Variants in MN1 observed in about 807,000 individuals in gnomAD.
MN1 encodes the protein transcriptional activator MN1.
MN1 carries 19 observed loss-of-function variants against 86.9 expected under a neutral mutation model. The observed-to-expected ratio is 0.22, with a 90% CI of 0.15 to 0.32. The LOEUF (loss-of-function observed/expected upper bound fraction) is 0.32, where lower values mean the gene tolerates loss of function less well. Among genes scored for constraint, MN1 ranks in the 10% least tolerant of loss-of-function variants. The pLI is 1.00. For missense variants in MN1, 1,841 were observed against 1,862.0 expected, an observed-to-expected ratio of 0.99 and a Z score of 0.21; for synonymous variants, 928 against 849.6, an observed-to-expected ratio of 1.09 and a Z score of -1.60.
intron 1 of MN1, among the ~76,000 whole-genome samples, chr22:27,772,441 T>C (rs537938603): frequency 6.6e-6 from 1 of 152,286 alleles, no homozygotes; most frequent in South Asian, 2.1e-4. Flanking sequence ...GAGACGGTCA[T>C]GAAACTTGGA....
intron 1 of MN1, among the ~76,000 whole-genome samples, chr22:27,755,883 T>C (rs45448699): frequency 0.02 from 3,036 of 152,318 alleles, 105 homozygotes; most frequent in African/African-American, 0.069. Context: ...GGTTCAACAA[T>C]GATAGTGGCC....
chr22:27,763,960 C>T (rs966196667), intron 1 of MN1, among the ~76,000 whole-genome samples: 5 of 152,122 alleles, frequency 3.3e-5, no homozygotes, highest in African/African-American at 4.8e-5. Flanking sequence ...GAAGAGGAGG[C>T]GAGAGGAGCA....
chr22:27,784,747 A>AC (rs2146308647), intron 1 of MN1, among the ~76,000 whole-genome samples: 1 of 152,310 alleles, frequency 6.6e-6, no homozygotes, highest in South Asian at 2.1e-4. Context: ...TACTGGGACA[A>AC]CCAGGCTGAG....
At position 27,764,774 on chromosome 22, in the gene MN1, T is replaced by C. The variant is rs562891279; in HGVS notation, c.3782-13678A>G. Among the ~76,000 whole-genome samples the C allele has an allele frequency of 2.0e-5, 3 of 152,330 alleles. No homozygotes were observed. The East Asian group carries it at 5.8e-4, about 29-fold the overall frequency. ...ATTACCGCTAGTACCTATCACATGT[T>C]CATTCTTTTAAACTCAATAATTCCT... is the stretch of plus-strand genomic sequence containing the variant. On this transcript the variant is annotated intron_variant, in intron 1 of 1. Coordinates refer to ENST00000302326, the MANE Select transcript of MN1 (RefSeq NM_002430.3).
chr22:27,758,623 T>C (rs865878930), intron 1 of MN1, among the ~76,000 whole-genome samples: 1 of 152,174 alleles, frequency 6.6e-6, no homozygotes, highest in Non-Finnish European at 1.5e-5. Context: ...TCCTGGTCCC[T>C]GGCATTGTTC....
At chr22:27,783,162 T>C (rs1359250348) in intron 1 of MN1, among the ~76,000 whole-genome samples, 1 of 147,846 alleles carries the variant, frequency 6.8e-6, no homozygotes, top group African/African-American at 2.5e-5. Context: ...TGAGACAGAG[T>C]CTTGCTCTGT....
rs1316633559 is a variant in MN1 at position 27,798,821 on chromosome 22, G to C, written c.1723C>G (p.Leu575Val). The C allele has an allele frequency of 2.0e-6, 3 of 1,537,914 alleles. No homozygotes were observed. Among genetic ancestry groups the C allele is most frequent in the Non-Finnish European group, 2.6e-6 (3 of 1,146,486 alleles). The change falls in exon 1 of 2, where the codon CTG becomes GTG. Residue 575 changes from leucine (L) to valine (V), a missense_variant. By Grantham distance (32) the Leu-to-Val change is conservative (BLOSUM62 1). Transcript: ENST00000302326. ...NQQQRLRQPN[L>V]AQLGHPGDVG... The stretch of plus-strand genomic sequence containing the variant: ...TCCCCGGGGTGGCCTAGCTGAGCCA[G>C]GTTGGGCTGGCGCAGCCGCTGCTGC...
intron 1 of MN1, among the ~76,000 whole-genome samples, chr22:27,756,666 G>A (rs1932803885): frequency 6.6e-6 from 1 of 152,218 alleles, no homozygotes; most frequent in South Asian, 2.1e-4. Flanking sequence ...GATTAAGTGA[G>A]ATGACAGCTG....
chr22:27,786,577 T>A (rs943086259), intron 1 of MN1, among the ~76,000 whole-genome samples: 4 of 152,048 alleles, frequency 2.6e-5, no homozygotes, highest in Admixed American at 2.6e-4. Context: ...AGTGCTCAAC[T>A]CCCAGTCAAT....
chr22:27,756,330 C>T (rs890997876), intron 1 of MN1, among the ~76,000 whole-genome samples: 2 of 152,162 alleles, frequency 1.3e-5, no homozygotes, highest in Non-Finnish European at 2.9e-5. Context: ...CACTAAAATC[C>T]GCGGACCAGG....
intron 1 of MN1, among the ~76,000 whole-genome samples, chr22:27,778,700 T>C (rs1933011324): frequency 6.6e-6 from 1 of 152,154 alleles, no homozygotes; most frequent in Admixed American, 6.5e-5. Flanking sequence ...TCCTGCACTG[T>C]CCTCCTCCCC....
rs541679604 is a variant in MN1 at position 27,773,149 on chromosome 22, C to T, written c.3782-22053G>A. 8.0e-5 allele frequency among the ~76,000 whole-genome samples: 12 copies of T among 149,650 alleles called. No homozygotes were observed. In the South Asian group the frequency reaches 2.6e-3, roughly 33 times the overall value. On this transcript the variant is annotated intron_variant, in intron 1 of 1. Coordinates refer to ENST00000302326, the MANE Select transcript of MN1 (RefSeq NM_002430.3). ...AGGAGCCCCATTTGCAGGTCAGAGG[C>T]TCCCCCGAGACACCAAGAAGAAAAG...
chr22:27,786,393 T>C (rs1440900631), intron 1 of MN1, among the ~76,000 whole-genome samples: 1 of 152,116 alleles, frequency 6.6e-6, no homozygotes, highest in African/African-American at 2.4e-5. Flanking sequence ...TTTTTCTTCC[T>C]TCTTTGGAAG....
intron 1 of MN1, among the ~76,000 whole-genome samples, chr22:27,751,596 G>A (rs1369673444): frequency 1.3e-5 from 2 of 152,130 alleles, no homozygotes; most frequent in East Asian, 3.9e-4. Flanking sequence ...CCACGAGCTG[G>A]GAACTTTCTT....
intron 1 of MN1, among the ~76,000 whole-genome samples, chr22:27,761,292 CCCTCTCTCTT>C (rs1932832936): frequency 6.6e-6 from 1 of 151,818 alleles, no homozygotes; most frequent in Non-Finnish European, 1.5e-5. Context: ...CTCTCTCTCT[CCCTCTCTCTT>C]ATTCTTCCTC....
chr22:27,775,923 C>T (rs1053616985), intron 1 of MN1, among the ~76,000 whole-genome samples: 7 of 151,538 alleles, frequency 4.6e-5, no homozygotes, highest in East Asian at 3.9e-4. Context: ...TACTCCCAGC[C>T]GCACTTGCAT....
chr22:27,788,689 G>A (rs1644455033), intron 1 of MN1, among the ~76,000 whole-genome samples: 1 of 148,002 alleles, frequency 6.8e-6, no homozygotes, highest in South Asian at 2.1e-4. Context: ...GTGTGTGTGT[G>A]TGCACGCGTG....
intron 1 of MN1, among the ~76,000 whole-genome samples, chr22:27,778,868 C>T (rs984639986): frequency 4.6e-5 from 7 of 152,200 alleles, no homozygotes; most frequent in Non-Finnish European, 8.8e-5. Flanking sequence ...CAGACCACAG[C>T]GGCCCAGGCA....
intron 1 of MN1, among the ~76,000 whole-genome samples, chr22:27,779,809 G>C (rs1158804612): frequency 2.6e-5 from 4 of 152,184 alleles, no homozygotes; most frequent in Non-Finnish European, 5.9e-5. Flanking sequence ...GCTGGCCCCA[G>C]CTGGGCCTGT....
Sources: gnomAD v4.1 joint callset for allele counts (sites outside exome capture counted in the v4.1 genomes callset) on GRCh38, gnomAD v4.1.1 for gene constraint, MANE v1.5 for transcripts, NCBI Gene and HGNC (gene_info 2026-07-23, HGNC 2026-07-21) for gene names.